Variants in KCNQ1 observed in about 807,000 individuals in gnomAD.
KCNQ1 encodes the protein potassium voltage-gated channel subfamily Q member 1, also known as potassium voltage-gated channel subfamily KQT member 1.
A neutral mutation model predicts 72.4 loss-of-function variants in KCNQ1; 49 were observed. The observed-to-expected ratio is 0.68, with a 90% confidence interval of 0.54 to 0.86. The LOEUF is 0.86. Among genes scored for constraint, KCNQ1 ranks in the 40% least tolerant of loss-of-function variants. The pLI is 0.00. For synonymous variants in KCNQ1, 450 were observed against 412.6 expected (o/e 1.09, Z -1.10); for missense variants, 790 against 945.1 (o/e 0.84, Z 2.15).
At chr11:2,531,059 C>A (rs978005375) in intron 2 of KCNQ1, among the ~76,000 whole-genome samples, 3 of 152,172 alleles carry the variant, frequency 2.0e-5, no homozygotes, top group Non-Finnish European at 4.4e-5. Flanking sequence ...TCTGTCAGCA[C>A]CACAGCGTCC....
Position 2,493,706 on chromosome 11 carries a change from T to A in KCNQ1, c.387-34222T>A, listed in dbSNP as rs1013574245. Among the ~76,000 whole-genome samples, 1 of 152,220 alleles carries A rather than the reference T, an allele frequency of 6.6e-6. No homozygotes were observed. Among genetic ancestry groups the A allele is most frequent in the African/African-American group, 2.4e-5 (1 of 41,464 alleles). The stretch of plus-strand genomic sequence containing the variant: ...GTCTCTGTTCTGTTCCATTGGTTTA[T>A]ATATCTGTCTTCATACCAGTACCAT... On this transcript the variant is annotated intron_variant, in intron 1 of 15. Coordinates refer to ENST00000155840, the MANE Select transcript of KCNQ1 (RefSeq NM_000218.3). This position sits in a 1 kb window ranked among gnomAD's most constrained non-coding sequence, Gnocchi z 5.3.
intron 2 of KCNQ1, among the ~76,000 whole-genome samples, chr11:2,546,616 T>C (rs1847905428): frequency 6.6e-6 from 1 of 151,864 alleles, no homozygotes; most frequent in Non-Finnish European, 1.5e-5. Context: ...TCTTTATTAG[T>C]TTTTTGTTTA....
chr11:2,575,429 G>A (rs145738632), intron 6 of KCNQ1, among the ~76,000 whole-genome samples: 3 of 152,210 alleles, frequency 2.0e-5, no homozygotes, highest in South Asian at 2.1e-4. Flanking sequence ...CAGCTGTCTG[G>A]GGGGAGCGGC....
chr11:2,740,285 ATTC>A (rs1478964535), intron 11 of KCNQ1, among the ~76,000 whole-genome samples: 1 of 152,176 alleles, frequency 6.6e-6, no homozygotes, highest in East Asian at 1.9e-4. Context: ...AATTCAGCAA[ATTC>A]TTCTTTTTAT....
rs913439326 is a variant in KCNQ1 at position 2,703,404 on chromosome 11, G to A, written c.1514+41323G>A. On this transcript the variant is annotated intron_variant, in intron 11 of 15. Transcript: ENST00000155840. This position sits in a 1 kb window ranked among gnomAD's most constrained non-coding sequence, Gnocchi z 6.4. ...TGGTTTGCCTCATCTGTACATGGTA[G>A]GGGCTGAGCTAGCGTTCCTTGCACT... Among the ~76,000 whole-genome samples, 17 of 152,308 alleles carry A rather than the reference G, an allele frequency of 1.1e-4. No homozygotes were observed. The highest frequency in any genetic ancestry group is 4.1e-4 in the African/African-American group (17 of 41,554).
rs185437706 is a variant in KCNQ1 at position 2,542,226 on chromosome 11, C to T, written c.477+14208C>T. ...TGGGGCTGTGCCGAGGGTGTGGGGA[C>T]ATTGGGCATGAAGGTTCTCAGTCCA... On this transcript the variant is annotated intron_variant, in intron 2 of 15. Coordinates refer to ENST00000155840, the MANE Select transcript of KCNQ1 (RefSeq NM_000218.3). Among the ~76,000 whole-genome samples, 165 of 152,328 alleles carry T rather than the reference C, an allele frequency of 1.1e-3. No homozygotes were observed. In the Middle Eastern group the frequency reaches 0.017, roughly 16 times the overall value.
In KCNQ1 at chr11:2,848,726, C is replaced by T. The variant is rs1421627149; in HGVS notation, c.*723C>T. On this transcript the variant is annotated 3_prime_UTR_variant, in exon 16 of 16. Transcript: ENST00000155840. ...AGCCCTGCCTCTCCGCCCCTGAGCC[C>T]ACTGTGCGTGGGGCTCCCGCCTCCA... 1 of 452,810 alleles carries T rather than the reference C, an allele frequency of 2.2e-6. No homozygotes were observed. Among genetic ancestry groups the T allele is most frequent in the Non-Finnish European group, 4.4e-6 (1 of 225,808 alleles). 28.0% of individuals were successfully genotyped at this position (452,810 alleles called of 1,614,324 possible).
At chr11:2,640,546 A>C in intron 10 of KCNQ1, 1 of 384,264 alleles carries the variant, frequency 2.6e-6, no homozygotes. Context: ...TTGGCCCCCC[A>C]AAGCACTGGG....
rs975043596 is a variant in KCNQ1 at position 2,650,030 on chromosome 11, C to G, written c.1394-11931C>G. Reference sequence around the variant, plus strand: ...GTCTGGTTTATTGCAAAACACCTGTCTTCAAATTTAGAAATTATTTCTTCT... The same window carrying G: ...GTCTGGTTTATTGCAAAACACCTGTGTTCAAATTTAGAAATTATTTCTTCT... On this transcript the variant is annotated intron_variant, in intron 10 of 15. Transcript: ENST00000155840. 3 of 398,234 alleles carry G rather than the reference C, an allele frequency of 7.5e-6. No homozygotes were observed. The Admixed American group carries it at 1.3e-4, about 18-fold the overall frequency. 24.7% of individuals were successfully genotyped at this position (398,234 alleles called of 1,614,324 possible). A position where few individuals can be genotyped will look rare whatever the true frequency, so the allele number is the denominator to read the frequency against.
intron 11 of KCNQ1, chr11:2,688,614 T>C (rs371119085): frequency 1.0e-5 from 4 of 398,750 alleles, no homozygotes; most frequent in South Asian, 1.3e-4. Flanking sequence ...CATCTTGTGC[T>C]GTGCCTGGGT....
intron 10 of KCNQ1, chr11:2,609,699 C>T (rs1239365591): frequency 2.5e-6 from 1 of 398,080 alleles, no homozygotes; most frequent in Non-Finnish European, 4.4e-6. Context: ...TGTTTTAGTT[C>T]TCTATTGTTA....
At chr11:2,843,637 C>T (rs745528444) in intron 15 of KCNQ1, among the ~76,000 whole-genome samples, 7 of 152,226 alleles carry the variant, frequency 4.6e-5, no homozygotes, top group Admixed American at 1.3e-4. Flanking sequence ...CGGTCCTAGG[C>T]GGGGATCAAG....
In KCNQ1 at chr11:2,473,670, C is replaced by A. The variant is rs540563978; in HGVS notation, c.386+28186C>A. Among the ~76,000 whole-genome samples the A allele has an allele frequency of 6.6e-6, 1 of 152,174 alleles. No homozygotes were observed. On this transcript the variant is annotated intron_variant, in intron 1 of 15. Coordinates refer to ENST00000155840, the MANE Select transcript of KCNQ1 (RefSeq NM_000218.3). This position sits in a 1 kb window ranked among gnomAD's most constrained non-coding sequence, Gnocchi z 6.0. ...GGGCCTCAGTTGGCCTGGCCTGGCG[C>A]GGGGCTGCCAGCCAAGAGCCTTCCT...
At chr11:2,806,574 C>T (rs556813152) in intron 15 of KCNQ1, among the ~76,000 whole-genome samples, 40 of 152,324 alleles carry the variant, frequency 2.6e-4, no homozygotes, top group African/African-American at 7.9e-4. Flanking sequence ...TGCTCCCCAC[C>T]GAGCAGCTGG....
chr11:2,666,404 A>G, intron 11 of KCNQ1: 1 of 398,670 alleles, frequency 2.5e-6, no homozygotes, highest in Non-Finnish European at 4.4e-6. Context: ...CTTGAGCAAA[A>G]ACAGCCCCGT....
chr11:2,766,340 C>T lies in KCNQ1; in HGVS notation c.1515-2504C>T, dbSNP rs942080467. The stretch of plus-strand genomic sequence containing the variant: ...TACTTGCATGGTGATGTGGTGGTGG[C>T]TGAGTGGTCTCTGTTGTCCTCACGT... On this transcript the variant is annotated intron_variant, in intron 11 of 15. Transcript: ENST00000155840. The surrounding 1 kb of genome is among the most constrained non-coding windows in gnomAD (Gnocchi z 4.4). Among the ~76,000 whole-genome samples the T allele has an allele frequency of 2.0e-5, 3 of 152,200 alleles. No individual in the cohort carries two copies. Among genetic ancestry groups the T allele is most frequent in the Admixed American group, 1.3e-4 (2 of 15,276 alleles).
At chr11:2,805,718 A>G (rs901381103) in intron 15 of KCNQ1, among the ~76,000 whole-genome samples, 5 of 152,226 alleles carry the variant, frequency 3.3e-5, no homozygotes, top group Non-Finnish European at 7.3e-5. Context: ...TTCAGTGAAG[A>G]GACGCAAGAT....
At position 2,674,432 on chromosome 11, in the gene KCNQ1, G is replaced by C; in HGVS notation, c.1514+12351G>C. On this transcript the variant is annotated intron_variant, in intron 11 of 15. Transcript: ENST00000155840. This position sits in a 1 kb window ranked among gnomAD's most constrained non-coding sequence, Gnocchi z 5.9. ...GCGCGCCCGCGCGCACACGACCACA[G>C]AGGCTGGGGGGAGGCACGTGGGGAG... 5.0e-6 allele frequency: 2 copies of C among 398,644 alleles called. No homozygotes were observed. Among genetic ancestry groups the C allele is most frequent in the Non-Finnish European group, 4.4e-6 (1 of 226,096 alleles). 24.7% of individuals were successfully genotyped at this position (398,644 alleles called of 1,614,324 possible).
In KCNQ1 at chr11:2,816,811, C is replaced by T. The variant is rs1012032130; in HGVS notation, c.1795-30956C>T. 6.6e-6 allele frequency among the ~76,000 whole-genome samples: 1 copy of T among 151,976 alleles called. No individual in the cohort carries two copies. Among genetic ancestry groups the T allele is most frequent in the African/African-American group, 2.4e-5 (1 of 41,392 alleles). The stretch of plus-strand genomic sequence containing the variant: ...TCAGGAGGCCTTCCCTGAGCCCCTG[C>T]CCCCTCCATTTCAGACATCTCCATC... On this transcript the variant is annotated intron_variant, in intron 15 of 15. Transcript: ENST00000155840. The surrounding 1 kb of genome is among the most constrained non-coding windows in gnomAD (Gnocchi z 6.8).
Sources: allele counts gnomAD v4.1 joint callset (sites outside exome capture counted in the v4.1 genomes callset), GRCh38; gene constraint gnomAD v4.1.1; non-coding constraint Gnocchi (gnomAD v3.1); transcripts MANE v1.5; gene names NCBI Gene and HGNC (gene_info 2026-07-23, HGNC 2026-07-21).